AXIN1: variants seen among roughly 807,000 people sequenced by gnomAD.
The protein encoded by AXIN1 is axin 1, also known as axin-1.
A neutral mutation model predicts 76.4 loss-of-function variants in AXIN1; 30 were observed. The observed-to-expected ratio is 0.39, with a 90% CI of 0.29 to 0.53. The LOEUF (loss-of-function observed/expected upper bound fraction) is 0.53, where lower values mean the gene tolerates loss of function less well. Ranked by LOEUF, AXIN1 falls within the 20% of genes least tolerant of loss-of-function variation. The probability of loss-of-function intolerance (pLI) is 0.66; values close to 1 mark genes in which losing one functional copy is unlikely to be tolerated. For synonymous variants in AXIN1, 545 were observed against 501.4 expected, an observed-to-expected ratio of 1.09 and a Z score of -1.16; for missense variants, 1,140 against 1,198.8, an observed-to-expected ratio of 0.95 and a Z score of 0.72.
In AXIN1 at chr16:287,925, C is replaced by A; in HGVS notation, c.*197G>T. The stretch of plus-strand genomic sequence containing the variant: ...TATGAGGAGTGGTCCAGGCTGCCTC[C>A]TTGGGGGCAGGACAGAAGCTTGTGG... On this transcript the variant is annotated 3_prime_UTR_variant, in exon 11 of 11. Coordinates refer to ENST00000262320, the MANE Select transcript of AXIN1 (RefSeq NM_003502.4). 1.1e-6 allele frequency: 1 copy of A among 872,222 alleles called. No individual in the cohort carries two copies. The highest frequency in any genetic ancestry group is 1.8e-6 in the Non-Finnish European group (1 of 548,640). 54.0% of individuals were successfully genotyped at this position (872,222 alleles called of 1,614,324 possible).
At chr16:338,196 G>A (rs115262534) in intron 2 of AXIN1, among the ~76,000 whole-genome samples, 71 of 152,326 alleles carry the variant, frequency 4.7e-4, no homozygotes, top group African/African-American at 1.3e-3. Context: ...GAGCAGAACC[G>A]GAGCGTGTGC....
chr16:302,365 G>A (rs1040121737), intron 5 of AXIN1, among the ~76,000 whole-genome samples: 3 of 152,242 alleles, frequency 2.0e-5, no homozygotes, highest in Non-Finnish European at 2.9e-5. Flanking sequence ...AACGGCCAGG[G>A]GAGACGAGAG....
At chr16:317,304 G>C (rs571571810) in intron 2 of AXIN1, among the ~76,000 whole-genome samples, 1 of 152,296 alleles carries the variant, frequency 6.6e-6, no homozygotes, top group Admixed American at 6.5e-5. Flanking sequence ...ATTTCCCCTG[G>C]GGCTGTGGCC....
intron 4 of AXIN1, among the ~76,000 whole-genome samples, chr16:309,519 A>AAAG (rs2053119287): frequency 6.6e-6 from 1 of 152,206 alleles, no homozygotes; most frequent in African/African-American, 2.4e-5. Flanking sequence ...ATTCTATGCA[A>AAAG]CAGCGAAAGC....
chr16:289,694 G>GGC, intron 9 of AXIN1, 87 bp from the exon 10 acceptor site: 2 of 1,552,368 alleles, frequency 1.3e-6, no homozygotes. Context: ...GCCAGTGTAA[G>GGC]GCGGGGCAGG....
chr16:301,779 G>A lies in AXIN1; in HGVS notation c.1254+2525C>T, dbSNP rs1020022345. ...TCCACAGAAAATTACAGCGGCCGGC[G>A]ACCGACACAACAACAAAACAGCAAA... On this transcript the variant is annotated intron_variant, in intron 5 of 10. Coordinates refer to ENST00000262320, the MANE Select transcript of AXIN1 (RefSeq NM_003502.4). Among the ~76,000 whole-genome samples, 11 of 152,064 alleles carry A rather than the reference G, an allele frequency of 7.2e-5. No individual in the cohort carries two copies. The East Asian group carries it at 7.7e-4, about 11-fold the overall frequency.
chr16:344,078 C>T (rs528625567), intron 2 of AXIN1, among the ~76,000 whole-genome samples: 6 of 151,636 alleles, frequency 4.0e-5, no homozygotes, highest in Non-Finnish European at 8.8e-5. Flanking sequence ...GATAACTTTG[C>T]GGCATATTGT....
intron 2 of AXIN1, among the ~76,000 whole-genome samples, chr16:336,816 CAAAAAAAA>C (rs57147459): frequency 1.3e-5 from 1 of 77,080 alleles, no homozygotes; most frequent in Non-Finnish European, 2.5e-5. Flanking sequence ...GACTCCGCCT[CAAAAAAAA>C]AAAAAAAAAA....
chr16:345,516 A>ACCAGC (rs1415124134), intron 2 of AXIN1, among the ~76,000 whole-genome samples: 1 of 152,234 alleles, frequency 6.6e-6, no homozygotes, highest in Non-Finnish European at 1.5e-5. Context: ...GGAGTTCGAG[A>ACCAGC]CCAGCCTGGC....
chr16:293,779 G>A lies in AXIN1; in HGVS notation c.1956-61C>T, dbSNP rs2141487992. 2.0e-6 allele frequency: 3 copies of A among 1,527,678 alleles called. No individual in the cohort carries two copies. The highest frequency in any genetic ancestry group is 2.2e-5 in the East Asian group (1 of 44,476). The allele number at this position is 1,527,678 out of a possible 1,614,324, so 94.6% of individuals were successfully genotyped here. ...GACACCCTGGCCAGGTGGCCTGGTG[G>A]GGCTACACTCATCTCACAAGGGCAG... On this transcript the variant is annotated intron_variant, in intron 7 of 10. Coordinates refer to ENST00000262320, the MANE Select transcript of AXIN1 (RefSeq NM_003502.4). This position sits in a 1 kb window ranked among gnomAD's most constrained non-coding sequence, Gnocchi z 4.6.
At position 317,577 on chromosome 16, in the gene AXIN1, C is replaced by T. The variant is rs542796757; in HGVS notation, c.879-2894G>A. Among the ~76,000 whole-genome samples, 10 of 152,336 alleles carry T rather than the reference C, an allele frequency of 6.6e-5. 1 individual carries two copies. The East Asian group carries it at 1.4e-3, about 21-fold the overall frequency. On this transcript the variant is annotated intron_variant, in intron 2 of 10. Transcript: ENST00000262320. ...ACGGCAGCCTCAGGCTGACAGCAAC[C>T]ATGGGGCCGCTCTTGGGAAATGGGT...
chr16:298,180 G>T lies in AXIN1; in HGVS notation c.1326C>A (p.Pro442=), dbSNP rs752688778. The T allele has an allele frequency of 1.3e-6, 2 of 1,542,274 alleles. No homozygotes were observed. The highest frequency in any genetic ancestry group is 8.7e-7 in the Non-Finnish European group (1 of 1,147,364). Residue 442 remains proline, a synonymous_variant, in exon 6 of 11, where the codon CCC becomes CCA. Transcript: ENST00000262320. ...AGCGGGGCGGGAAGTGGTGCCAAGC[G>T]GGGGCGGGAGGCAGCTTGTGACACG... The part of the protein sequence containing the change: ...PGPCHKLPPA[P]AWHHFPPRCV...
chr16:303,019 G>A (rs1404937322), intron 5 of AXIN1, among the ~76,000 whole-genome samples: 4 of 152,032 alleles, frequency 2.6e-5, no homozygotes, highest in Non-Finnish European at 5.9e-5. Context: ...GTGCCACCAC[G>A]CCCAGCTAAT....
intron 4 of AXIN1, among the ~76,000 whole-genome samples, 196 bp downstream of exon 4, chr16:309,777 T>C (rs1384908790): frequency 6.6e-6 from 1 of 152,214 alleles, no homozygotes; most frequent in Admixed American, 6.5e-5. Flanking sequence ...GGGCCCTAAA[T>C]GCTGCCTGAG....
At chr16:290,825 G>T (rs2052535525) in intron 9 of AXIN1, 1 of 393,926 alleles carries the variant, frequency 2.5e-6, no homozygotes, top group Admixed American at 3.6e-5. Context: ...CCCGAGCCTG[G>T]TCAAGTCAGG....
At chr16:341,052 T>A (rs867580266) in intron 2 of AXIN1, among the ~76,000 whole-genome samples, 6 of 152,258 alleles carry the variant, frequency 3.9e-5, no homozygotes, top group African/African-American at 1.4e-4. Context: ...CTGGCCCTCC[T>A]GGCACGTTCC....
rs1345872169 is a variant in AXIN1 at position 310,045 on chromosome 16, G to C, written c.1044C>G (p.Ile348Met). The change falls in exon 4 of 11, where the codon ATC (isoleucine) becomes ATG (methionine). Residue 348 changes from isoleucine (I) to methionine (M), a missense_variant. Physicochemically the swap from Ile to Met is conservative, Grantham distance 10 (BLOSUM62 1). Around this residue, in one of 3 missense-constraint regions of AXIN1, gnomAD observed 708 missense variants for 776.9 expected, o/e 0.91. Coordinates refer to ENST00000262320, the MANE Select transcript of AXIN1 (RefSeq NM_003502.4). Reference sequence around the variant, plus strand: ...GCATCTCCCTGCGGTGCTGCTTACGGATCCTGTATGGGGGGATCCCATCCC... The same window carrying C: ...GCATCTCCCTGCGGTGCTGCTTACGCATCCTGTATGGGGGGATCCCATCCC... Reference protein sequence around the residue: ...SSVDGIPPYRIRKQHRREMQE... With the variant: ...SSVDGIPPYRMRKQHRREMQE... 6.2e-7 allele frequency: 1 copy of C among 1,612,680 alleles called. No individual in the cohort carries two copies. Among genetic ancestry groups the C allele is most frequent in the East Asian group, 2.2e-5 (1 of 44,846 alleles).
intron 5 of AXIN1, among the ~76,000 whole-genome samples, chr16:300,064 C>T (rs796888244): frequency 4.6e-5 from 7 of 152,172 alleles, no homozygotes; most frequent in South Asian, 4.1e-4. Flanking sequence ...CTCAGCCTCC[C>T]GGGTAGCTGG....
chr16:326,164 C>T (rs559030628), intron 2 of AXIN1, among the ~76,000 whole-genome samples: 2 of 151,648 alleles, frequency 1.3e-5, no homozygotes, highest in East Asian at 1.9e-4. Context: ...ACCAGCCTGG[C>T]TAAAATGGTG....
Sources: allele counts gnomAD v4.1 joint callset (sites outside exome capture counted in the v4.1 genomes callset), GRCh38; gene constraint gnomAD v4.1.1; regional missense constraint gnomAD v4.1.1; non-coding constraint Gnocchi (gnomAD v3.1); transcripts MANE v1.5; gene names NCBI Gene and HGNC (gene_info 2026-07-23, HGNC 2026-07-21).